The following PIP4K2A variants were observed in gnomAD, a reference collection of about 807,000 sequenced individuals.
PIP4K2A encodes phosphatidylinositol 5-phosphate 4-kinase type-2 alpha.
PIP4K2A carries 14 observed loss-of-function variants against 42.9 expected under a neutral mutation model. The ratio of observed to expected loss-of-function variants is 0.33; its 90% CI spans 0.22 to 0.51. PIP4K2A has a LOEUF of 0.51. PIP4K2A is among the 20% of genes least tolerant of loss of function. The pLI is 0.97. For synonymous variants in PIP4K2A, 192 were observed against 192.2 expected (o/e 1.00, Z 0.01); for missense variants, 434 against 519.8 (o/e 0.83, Z 1.61).
At position 22,609,506 on chromosome 10, in the gene PIP4K2A, T is replaced by G. The variant is rs183406585; in HGVS notation, c.242+114A>C. ...GGTTATGTTTATCACAGGATTAACT[T>G]CATCAGCAAAACTTTACTCCCACCC... On this transcript the variant is annotated intron_variant, in intron 2 of 9. Coordinates refer to ENST00000376573, the MANE Select transcript of PIP4K2A (RefSeq NM_005028.5). 1.6e-5 allele frequency: 11 copies of G among 687,812 alleles called. No individual in the cohort carries two copies. The Admixed American group carries it at 2.7e-4, about 17-fold the overall frequency. 42.6% of individuals were successfully genotyped at this position (687,812 alleles called of 1,614,324 possible).
intron 1 of PIP4K2A, among the ~76,000 whole-genome samples, chr10:22,685,652 T>C (rs556126993): frequency 7.1e-4 from 108 of 152,186 alleles, no homozygotes; most frequent in Non-Finnish European, 1.2e-3. Flanking sequence ...GCCCAGGAGA[T>C]TGAGGCTGTG....
At position 22,651,640 on chromosome 10, in the gene PIP4K2A, T is replaced by C. The variant is rs114271995; in HGVS notation, c.145-41923A>G. Among the ~76,000 whole-genome samples the C allele has an allele frequency of 2.0e-3, 303 of 152,362 alleles. 2 individuals are homozygous for C. Among genetic ancestry groups the C allele is most frequent in the African/African-American group, 6.6e-3 (275 of 41,582 alleles). ...TTTACTTCTAAGCATTGTGAACCTG[T>C]CTTTTAGCCTTATGCAGTTGTCATC... On this transcript the variant is annotated intron_variant, in intron 1 of 9. Transcript: ENST00000376573.
chr10:22,568,187 T>G (rs1486319923), intron 5 of PIP4K2A, among the ~76,000 whole-genome samples: 1 of 152,234 alleles, frequency 6.6e-6, no homozygotes, highest in Non-Finnish European at 1.5e-5. Context: ...TGACCATCAC[T>G]TACTTGAGCA....
At chr10:22,674,415 CAAAAAAAAAAAAA>C (rs1002492534) in intron 1 of PIP4K2A, among the ~76,000 whole-genome samples, 14 of 61,130 alleles carry the variant, frequency 2.3e-4, no homozygotes, top group South Asian at 6.8e-4. Context: ...CACTTGGGAG[CAAAAAAAAAAAAA>C]AAAAAAAAAA....
chr10:22,567,273 A>T (rs780708422), intron 6 of PIP4K2A, among the ~76,000 whole-genome samples: 3 of 152,230 alleles, frequency 2.0e-5, no homozygotes, highest in Non-Finnish European at 4.4e-5. Context: ...AGTAAACTAA[A>T]TGTGGCTCAA....
In PIP4K2A at chr10:22,590,888, G is replaced by GA. The variant is rs144969651; in HGVS notation, c.492+740dup. 6.6e-3 allele frequency among the ~76,000 whole-genome samples: 1,007 copies of GA among 152,292 alleles called. 10 individuals carry two copies. The highest frequency in any genetic ancestry group is 0.023 in the African/African-American group (953 of 41,558). On this transcript the variant is annotated intron_variant, in intron 4 of 9. Coordinates refer to ENST00000376573, the MANE Select transcript of PIP4K2A (RefSeq NM_005028.5). ...TGTCTCTAAAAAACAACCAAGACCA[G>GA]AAGTCACATGCTTAGTAAGCGACCT...
chr10:22,650,151 C>T (rs763304818), intron 1 of PIP4K2A, among the ~76,000 whole-genome samples: 2 of 152,228 alleles, frequency 1.3e-5, no homozygotes, highest in African/African-American at 4.8e-5. Context: ...TTGTGGGCCA[C>T]TCCCTTAGGG....
chr10:22,640,082 A>C (rs1838749154), intron 1 of PIP4K2A, among the ~76,000 whole-genome samples: 1 of 149,970 alleles, frequency 6.7e-6, no homozygotes, highest in African/African-American at 2.5e-5. Flanking sequence ...TCCCAAGCAA[A>C]GGATTAACAG....
chr10:22,616,390 G>A (rs925794747), intron 1 of PIP4K2A, among the ~76,000 whole-genome samples: 5 of 152,116 alleles, frequency 3.3e-5, no homozygotes, highest in South Asian at 2.1e-4. Context: ...ACCCAAGGGG[G>A]TAGAGGTGCT....
intron 1 of PIP4K2A, among the ~76,000 whole-genome samples, chr10:22,622,341 G>A (rs1413095482): frequency 1.3e-5 from 2 of 152,172 alleles, no homozygotes; most frequent in East Asian, 1.9e-4. Context: ...CCATCCCATC[G>A]CATGAGAGGC....
chr10:22,537,421 AAACATCACTCAAAATATCTT>A (rs1216096344), intron 9 of PIP4K2A, 140 bp from the exon 10 acceptor site: 1 of 655,298 alleles, frequency 1.5e-6, no homozygotes, highest in East Asian at 2.8e-5. Flanking sequence ...CTGCTCTGAA[AAACATCACTCAAAATATCTT>A]GGCGCTCATG....
chr10:22,694,931 A>C (rs1412686339), intron 1 of PIP4K2A, among the ~76,000 whole-genome samples: 1 of 152,238 alleles, frequency 6.6e-6, no homozygotes, highest in Non-Finnish European at 1.5e-5. Context: ...TTTTTATCTA[A>C]CTGGTGGACA....
intron 1 of PIP4K2A, among the ~76,000 whole-genome samples, chr10:22,658,047 A>AT (rs1188308656): frequency 6.6e-6 from 1 of 152,164 alleles, no homozygotes; most frequent in African/African-American, 2.4e-5. Context: ...GAAACGTGTA[A>AT]TTTTTTTCTA....
At position 22,545,657 on chromosome 10, in the gene PIP4K2A, G is replaced by A. The variant is rs115006666; in HGVS notation, c.793-3610C>T. Among the ~76,000 whole-genome samples the A allele has an allele frequency of 5.3e-3, 815 of 152,338 alleles. 9 individuals carry two copies. The highest frequency in any genetic ancestry group is 0.018 in the African/African-American group (769 of 41,568). ...ATCTCTAGGTAAGAAGCTGTTCTGAGGCACCCAAGAAGACTGAGAAAATTG... is the reference window on the plus strand; with the variant it reads ...ATCTCTAGGTAAGAAGCTGTTCTGAAGCACCCAAGAAGACTGAGAAAATTG... On this transcript the variant is annotated intron_variant, in intron 7 of 9. Coordinates refer to ENST00000376573, the MANE Select transcript of PIP4K2A (RefSeq NM_005028.5).
chr10:22,675,568 C>G (rs1564463979), intron 1 of PIP4K2A, among the ~76,000 whole-genome samples: 1 of 152,128 alleles, frequency 6.6e-6, no homozygotes, highest in Non-Finnish European at 1.5e-5. Flanking sequence ...CCAGCGTGAG[C>G]AACAGAGTGA....
chr10:22,573,890 A>G (rs1374503155), intron 4 of PIP4K2A, among the ~76,000 whole-genome samples: 1 of 152,220 alleles, frequency 6.6e-6, no homozygotes, highest in Admixed American at 6.5e-5. Flanking sequence ...TGAAGTCGAG[A>G]TGAAAGAGGA....
chr10:22,664,192 C>CATAT (rs67717111), intron 1 of PIP4K2A, among the ~76,000 whole-genome samples: 1 of 55,496 alleles, frequency 1.8e-5, no homozygotes, highest in African/African-American at 1.2e-4. Flanking sequence ...CATATATATA[C>CATAT]ATATATATAT....
chr10:22,650,835 G>A (rs1838978893), intron 1 of PIP4K2A, among the ~76,000 whole-genome samples: 1 of 110,880 alleles, frequency 9.0e-6, no homozygotes, highest in Non-Finnish European at 1.8e-5. Context: ...AAATCTACTG[G>A]GTTTTTTTTT....
At chr10:22,539,914 A>AGAGAGG (rs1554792182) in intron 9 of PIP4K2A, 57 bp downstream of exon 9, 26 of 463,318 alleles carry the variant, frequency 5.6e-5, no homozygotes, top group Non-Finnish European at 9.7e-5. Flanking sequence ...AGAGAGAGGG[A>AGAGAGG]GAGAGAGAGA....
Sources: gnomAD v4.1 joint callset for allele counts (sites outside exome capture counted in the v4.1 genomes callset) on GRCh38, gnomAD v4.1.1 for gene constraint, MANE v1.5 for transcripts, NCBI Gene and HGNC (gene_info 2026-07-23, HGNC 2026-07-21) for gene names.